The following TFEC variants were observed in gnomAD, a reference collection of about 807,000 sequenced individuals.
The protein encoded by TFEC is transcription factor EC.
In TFEC, 31 loss-of-function variants were observed where a neutral mutation model predicts 41.6. The observed-to-expected ratio is 0.74, with a 90% CI of 0.56 to 1.01. The LOEUF (loss-of-function observed/expected upper bound fraction) is 1.01. Among genes scored for constraint, TFEC ranks in the 50% least tolerant of loss-of-function variants. The probability of loss-of-function intolerance (pLI) is 0.00; values close to 1 mark genes in which losing one functional copy is unlikely to be tolerated. For missense variants in TFEC, 402 were observed against 404.1 expected (o/e 0.99, Z 0.04); for synonymous variants, 143 against 140.6 (o/e 1.02, Z -0.12).
chr7:115,970,333 T>C (rs954165194), intron 3 of TFEC, among the ~76,000 whole-genome samples: 11 of 152,078 alleles, frequency 7.2e-5, no homozygotes, highest in Admixed American at 5.3e-4. Context: ...TTGATTGCTA[T>C]TGATTGGCTT....
chr7:116,098,819 AC>A (rs1305005277), intron 3 of TFEC, among the ~76,000 whole-genome samples: 2 of 151,820 alleles, frequency 1.3e-5, no homozygotes, highest in Non-Finnish European at 2.9e-5. Context: ...CCAAAACCAG[AC>A]AAAAACAAAA....
chr7:116,072,379 T>C, intron 3 of TFEC, among the ~76,000 whole-genome samples: 1 of 151,682 alleles, frequency 6.6e-6, no homozygotes, highest in East Asian at 1.9e-4. Flanking sequence ...TACTCAGCTG[T>C]AGCTACAATT....
At chr7:115,941,361 A>G (rs1401295146) in intron 7 of TFEC, 1 of 161,852 alleles carries the variant, frequency 6.2e-6, no homozygotes, top group African/African-American at 2.4e-5. Context: ...ATAAAAGCCC[A>G]TATTTTGATA....
At chr7:115,964,053 A>G (rs1476117771) in intron 3 of TFEC, among the ~76,000 whole-genome samples, 7 of 151,692 alleles carry the variant, frequency 4.6e-5, no homozygotes, top group African/African-American at 1.4e-4. Context: ...AGGCAAAAAA[A>G]GTAACAAAAG....
upstream of TFEC, among the ~76,000 whole-genome samples, chr7:116,032,476 A>G (rs191437266): frequency 6.6e-6 from 1 of 152,302 alleles, no homozygotes; most frequent in Non-Finnish European, 1.5e-5. Context: ...TGTGGTACAT[A>G]TACATCACAG....
chr7:116,045,595 G>A (rs1796144629), intron 3 of TFEC, among the ~76,000 whole-genome samples: 1 of 152,230 alleles, frequency 6.6e-6, no homozygotes, highest in Admixed American at 6.5e-5. Flanking sequence ...TCGATGCCCA[G>A]GCAAAAGTTT....
At position 116,081,005 on chromosome 7, in the gene TFEC, G is replaced by GTGTGTGTA. The variant is rs1797077012; in HGVS notation, c.198+29702_198+29703insTACACACA. On this transcript the variant is annotated intron_variant, in intron 3 of 8. Coordinates refer to the TFEC transcript ENST00000484212. ...TGTGTGTGTGTGTGTGTGTGTGTGT[G>GTGTGTGTA]TGTGTGTGTGTATAAATATAAAATG... is the stretch of plus-strand genomic sequence containing the variant. Among the ~76,000 whole-genome samples the GTGTGTGTA allele has an allele frequency of 2.0e-5, 3 of 148,724 alleles. No individual in the cohort carries two copies. In the South Asian group the frequency reaches 6.3e-4, roughly 31 times the overall value.
intron 3 of TFEC, among the ~76,000 whole-genome samples, chr7:115,970,247 T>C (rs1211821351): frequency 1.3e-5 from 2 of 151,934 alleles, no homozygotes; most frequent in Non-Finnish European, 2.9e-5. Context: ...AAGAAGGAAG[T>C]GGTGAACCAT....
In TFEC at chr7:116,109,541, T is replaced by G. The variant is rs1287945008; in HGVS notation, c.198+1167A>C. Among the ~76,000 whole-genome samples, 21 of 152,276 alleles carry G rather than the reference T, an allele frequency of 1.4e-4. No individual in the cohort carries two copies. In the East Asian group the frequency reaches 3.1e-3, roughly 22 times the overall value. ...ACAATGAGATACCATCTCACACCAG[T>G]TAGAATGGCAATCATTTAAAAAGTC... On this transcript the variant is annotated intron_variant, in intron 3 of 8. Transcript: ENST00000484212.
chr7:115,967,679 T>C (rs1202197964), intron 3 of TFEC, among the ~76,000 whole-genome samples: 1 of 151,836 alleles, frequency 6.6e-6, no homozygotes, highest in Non-Finnish European at 1.5e-5. Context: ...AAATATAATG[T>C]GTTGAGCTGG....
Position 116,030,730 on chromosome 7 carries a change from A to G in TFEC, c.-170T>C. 1 of 985,388 alleles carries G rather than the reference A, an allele frequency of 1.0e-6. No homozygotes were observed. The highest frequency in any genetic ancestry group is 1.2e-6 in the Non-Finnish European group (1 of 829,918). 61.0% of individuals were successfully genotyped at this position (985,388 alleles called of 1,614,324 possible). ...CATATGCACCATGCCAGAAGGGACA[A>G]CCAAAGTAAACGATCTAGCCGTGAG... On this transcript the variant is annotated 5_prime_UTR_variant, in exon 1 of 8. Coordinates refer to ENST00000265440, the MANE Select transcript of TFEC (RefSeq NM_012252.4).
In TFEC at chr7:116,129,338, T is replaced by G. The variant is rs557009054; in HGVS notation, c.-68-17300A>C. On this transcript the variant is annotated intron_variant, in intron 1 of 8. Transcript: ENST00000484212. Reference sequence around the variant, plus strand: ...TTTCAATCTCACCCTTGTCCTTTTTTTTTTCCTCCCTCAATTGACTCAGGT... The same window carrying G: ...TTTCAATCTCACCCTTGTCCTTTTTGTTTTCCTCCCTCAATTGACTCAGGT... 2.0e-5 allele frequency among the ~76,000 whole-genome samples: 3 copies of G among 152,174 alleles called. No individual in the cohort carries two copies. The South Asian group carries it at 6.2e-4, about 32-fold the overall frequency.
In TFEC at chr7:115,935,750, G is replaced by A. The variant is rs1476558421; in HGVS notation, c.*4801C>T. Reference sequence around the variant, plus strand: ...ATAAAACAGTAGTGCAGGGATAAAAGAGGTAGTATTACAAACACAAAAGTC... The same window carrying A: ...ATAAAACAGTAGTGCAGGGATAAAAAAGGTAGTATTACAAACACAAAAGTC... On this transcript the variant is annotated 3_prime_UTR_variant, in exon 8 of 8. Transcript: ENST00000265440. The A allele has an allele frequency of 1.3e-5, 2 of 151,510 alleles. No homozygotes were observed. The highest frequency in any genetic ancestry group is 6.6e-5 in the Admixed American group (1 of 15,186). The allele number at this position is 151,510 out of a possible 1,614,324, so 9.4% of individuals were successfully genotyped here. A position where few individuals can be genotyped will look rare whatever the true frequency, so the allele number is the denominator to read the frequency against.
chr7:116,110,738 A>C, exon 3 of TFEC: 1 of 1,527,342 alleles, frequency 6.5e-7, no homozygotes, highest in African/African-American at 1.4e-5. Context: ...GACTTGAATA[A>C]ATTTGTGGTC....
chr7:116,157,641 C>G (rs985815931), intron 1 of TFEC, among the ~76,000 whole-genome samples: 1 of 152,018 alleles, frequency 6.6e-6, no homozygotes, highest in Non-Finnish European at 1.5e-5. Flanking sequence ...GACTAGGAGA[C>G]GAACAGATGC....
intron 1 of TFEC, among the ~76,000 whole-genome samples, chr7:116,029,879 T>C (rs1242251528): frequency 6.7e-6 from 1 of 148,858 alleles, no homozygotes; most frequent in African/African-American, 2.5e-5. Context: ...GCCAACATGG[T>C]GAAACTGCGT....
intron 3 of TFEC, among the ~76,000 whole-genome samples, chr7:116,079,799 T>C (rs1797046143): frequency 6.6e-6 from 1 of 151,908 alleles, no homozygotes; most frequent in Non-Finnish European, 1.5e-5. Flanking sequence ...CAAAATACCA[T>C]CAGCATTCTT....
At chr7:115,977,526 G>T (rs972488778) in intron 2 of TFEC, among the ~76,000 whole-genome samples, 10 of 151,884 alleles carry the variant, frequency 6.6e-5, no homozygotes, top group Admixed American at 5.3e-4. Flanking sequence ...GTATGTGGAT[G>T]AAATTAAATT....
intron 3 of TFEC, among the ~76,000 whole-genome samples, chr7:115,958,222 C>A (rs1247394295): frequency 1.3e-5 from 2 of 151,814 alleles, no homozygotes; most frequent in African/African-American, 4.8e-5. Context: ...CAAAGTTGAG[C>A]AAATTAGGCA....
Sources: gnomAD v4.1 joint callset for allele counts (sites outside exome capture counted in the v4.1 genomes callset) on GRCh38, gnomAD v4.1.1 for gene constraint, MANE v1.5 for transcripts, NCBI Gene and HGNC (gene_info 2026-07-23, HGNC 2026-07-21) for gene names.